Variants in KIAA1328 observed in about 807,000 individuals in gnomAD.
The protein encoded by KIAA1328 is KIAA1328.
In KIAA1328, 52 loss-of-function variants were observed where a neutral mutation model predicts 68.1. That is an observed-to-expected ratio of 0.76 (90% CI 0.61 to 0.96). The LOEUF (loss-of-function observed/expected upper bound fraction) is 0.96. Ranked by LOEUF, KIAA1328 falls within the 40% of genes least tolerant of loss-of-function variation. The pLI is 0.00. For missense variants in KIAA1328, 641 were observed against 677.6 expected, an observed-to-expected ratio of 0.95 and a Z score of 0.60; for synonymous variants, 232 against 239.4, an observed-to-expected ratio of 0.97 and a Z score of 0.28.
intron 9 of KIAA1328, among the ~76,000 whole-genome samples, chr18:37,184,659 C>G (rs1178498432): frequency 1.3e-5 from 2 of 152,202 alleles, no homozygotes; most frequent in African/African-American, 4.8e-5. Flanking sequence ...AAAGTCCCTT[C>G]ACATGGAACC....
At chr18:37,134,161 G>A (rs931430393) in intron 7 of KIAA1328, among the ~76,000 whole-genome samples, 36 of 151,842 alleles carry the variant, frequency 2.4e-4, no homozygotes, top group African/African-American at 8.0e-4. Flanking sequence ...TTACAGGCAC[G>A]CGCCACCACA....
At chr18:36,839,124 A>T (rs2046776106) in intron 3 of KIAA1328, among the ~76,000 whole-genome samples, 1 of 152,078 alleles carries the variant, frequency 6.6e-6, no homozygotes, top group Non-Finnish European at 1.5e-5. Context: ...AAATTGGGAA[A>T]TGTTTCAGCC....
intron 6 of KIAA1328, among the ~76,000 whole-genome samples, chr18:36,992,451 C>CTTTTTTTTTTTTTTTTTTT (rs71168252): frequency 7.7e-6 from 1 of 130,096 alleles, no homozygotes; most frequent in African/African-American, 3.5e-5. Context: ...TCTTTTCTTT[C>CTTTTTTTTTTTTTTTTTTT]TTTTTTTTTT....
At chr18:36,898,661 G>A (rs2048939527) in intron 5 of KIAA1328, among the ~76,000 whole-genome samples, 1 of 151,976 alleles carries the variant, frequency 6.6e-6, no homozygotes, top group African/African-American at 2.4e-5. Flanking sequence ...CTGGTATAGT[G>A]ACGCCGCAGA....
intron 9 of KIAA1328, among the ~76,000 whole-genome samples, chr18:37,214,877 A>C (rs1423440583): frequency 2.0e-5 from 3 of 152,050 alleles, no homozygotes; most frequent in Non-Finnish European, 2.9e-5. Flanking sequence ...ATCCCTTGTA[A>C]GTTGTATTCT....
chr18:37,026,383 A>G (rs574589081), intron 6 of KIAA1328, among the ~76,000 whole-genome samples: 1 of 152,302 alleles, frequency 6.6e-6, no homozygotes, highest in Non-Finnish European at 1.5e-5. Context: ...TGAGGCCAAC[A>G]TCATCCTGAT....
chr18:37,214,060 G>A (rs1312733936), intron 9 of KIAA1328, among the ~76,000 whole-genome samples: 1 of 152,156 alleles, frequency 6.6e-6, no homozygotes, highest in Admixed American at 6.5e-5. Context: ...CCCTTTGTCA[G>A]ATGGGTAGAT....
At chr18:37,002,725 A>G (rs950780411) in intron 6 of KIAA1328, among the ~76,000 whole-genome samples, 1 of 152,162 alleles carries the variant, frequency 6.6e-6, no homozygotes, top group Non-Finnish European at 1.5e-5. Context: ...TCCCACGGTC[A>G]TGGATTGGAA....
At chr18:36,888,962 AT>A (rs1411018951) in intron 5 of KIAA1328, among the ~76,000 whole-genome samples, 6 of 152,122 alleles carry the variant, frequency 3.9e-5, no homozygotes, top group African/African-American at 1.4e-4. Context: ...TTATACCAAC[AT>A]TTATGGGGTT....
chr18:37,146,745 A>T (rs1239185795), intron 7 of KIAA1328, among the ~76,000 whole-genome samples: 1 of 152,172 alleles, frequency 6.6e-6, no homozygotes, highest in Non-Finnish European at 1.5e-5. Context: ...ACTACAGTCT[A>T]CATAGTGTTA....
chr18:37,177,777 A>T (rs2059623161), intron 9 of KIAA1328, among the ~76,000 whole-genome samples: 1 of 152,242 alleles, frequency 6.6e-6, no homozygotes, highest in East Asian at 1.9e-4. Flanking sequence ...ATACTTGAGT[A>T]CATACTTTGA....
Position 37,222,418 on chromosome 18 carries a change from T to TA in KIAA1328, c.*193dup. On this transcript the variant is annotated 3_prime_UTR_variant, in exon 10 of 10. Transcript: ENST00000280020. ...ATTTTCAATCAGACCAGGCATTCGA[T>TA]AACACACTAAGGGGGTAGGAATGGA... 7.0e-7 allele frequency: 1 copy of TA among 1,426,342 alleles called. No individual in the cohort carries two copies. The highest frequency in any genetic ancestry group is 9.1e-7 in the Non-Finnish European group (1 of 1,096,250). 88.4% of individuals were successfully genotyped at this position (1,426,342 alleles called of 1,614,324 possible).
Position 37,223,827 on chromosome 18 carries a change from G to T in KIAA1328, c.*1600G>T, listed in dbSNP as rs1478064405. On this transcript the variant is annotated 3_prime_UTR_variant, in exon 10 of 10. Coordinates refer to ENST00000280020, the MANE Select transcript of KIAA1328 (RefSeq NM_020776.3). ...TCCACCCAGCCTTCTTTCACTTGGG[G>T]TTTTTTATTCTTTGGAGTAGAAAAG... 8.1e-6 allele frequency: 8 copies of T among 984,974 alleles called. No individual in the cohort carries two copies. The highest frequency in any genetic ancestry group is 1.7e-5 in the African/African-American group (1 of 57,170). 61.0% of individuals were successfully genotyped at this position (984,974 alleles called of 1,614,324 possible). A position where few individuals can be genotyped will look rare whatever the true frequency, so the allele number is the denominator to read the frequency against.
intron 6 of KIAA1328, among the ~76,000 whole-genome samples, chr18:37,035,412 T>C (rs2054986740): frequency 6.6e-6 from 1 of 152,192 alleles, no homozygotes; most frequent in African/African-American, 2.4e-5. Flanking sequence ...GTGAGTTTCA[T>C]GAACACAAAA....
intron 5 of KIAA1328, 122 bp from the exon 6 acceptor site, chr18:36,959,186 G>A (rs890409559): frequency 1.4e-5 from 12 of 868,080 alleles, no homozygotes; most frequent in Non-Finnish European, 2.0e-5. Flanking sequence ...TTATACTTAT[G>A]ACTCTCGCCA....
At chr18:37,005,483 G>T (rs992633166) in intron 6 of KIAA1328, among the ~76,000 whole-genome samples, 1 of 151,212 alleles carries the variant, frequency 6.6e-6, no homozygotes, top group African/African-American at 2.4e-5. Context: ...AGAGAAAAGA[G>T]AACTCTTATA....
At chr18:37,153,123 C>T (rs190501739) in intron 7 of KIAA1328, among the ~76,000 whole-genome samples, 331 of 152,268 alleles carry the variant, frequency 2.2e-3, no homozygotes, top group Middle Eastern at 6.8e-3. Context: ...ACACTTGGTC[C>T]GACCAATCTT....
chr18:36,829,392 C>T, intron 1 of KIAA1328, 196 bp downstream of exon 1: 1 of 1,362,254 alleles, frequency 7.3e-7, no homozygotes, highest in African/African-American at 1.5e-5. Context: ...CTGGTACTGT[C>T]TGCAGGTGTG....
chr18:37,056,302 A>G (rs1385461482), intron 6 of KIAA1328, among the ~76,000 whole-genome samples: 1 of 152,186 alleles, frequency 6.6e-6, no homozygotes. Flanking sequence ...TCTTTAAAAC[A>G]TTGTATTTTT....
Sources: gnomAD v4.1 joint callset for allele counts (sites outside exome capture counted in the v4.1 genomes callset) on GRCh38, gnomAD v4.1.1 for gene constraint, MANE v1.5 for transcripts, NCBI Gene and HGNC (gene_info 2026-07-23, HGNC 2026-07-21) for gene names.